CC2D2A: variants seen among roughly 807,000 people sequenced by gnomAD.
CC2D2A encodes the protein coiled-coil and C2 domain-containing protein 2A.
A neutral mutation model predicts 212.9 loss-of-function variants in CC2D2A; 155 were observed. The ratio of observed to expected loss-of-function variants is 0.73; its 90% CI spans 0.64 to 0.83. The LOEUF (loss-of-function observed/expected upper bound fraction) is 0.83, where lower values mean the gene tolerates loss of function less well. CC2D2A is among the 40% of genes least tolerant of loss of function. The pLI is 0.00. For synonymous variants in CC2D2A, 667 were observed against 686.5 expected (o/e 0.97, Z 0.44); for missense variants, 1,856 against 1,956.2 (o/e 0.95, Z 0.97).
Position 15,574,176 on chromosome 4 carries a change from T to C in CC2D2A, c.3621T>C (p.Ile1207=). Residue 1207 remains isoleucine (I), a synonymous_variant, in exon 29 of 37, where the codon ATT becomes ATC. Transcript: ENST00000424120. ...ARIDGTFKID[I]PPVLLGYSKE... Reference sequence around the variant, plus strand: ...TTGATGGAACATTTAAAATAGATATTCCCCCAGTTCTTCTGGGCTACAGTA... The same window carrying C: ...TTGATGGAACATTTAAAATAGATATCCCCCCAGTTCTTCTGGGCTACAGTA... The C allele has an allele frequency of 6.5e-7, 1 of 1,548,088 alleles. No homozygotes were observed. Among genetic ancestry groups the C allele is most frequent in the Non-Finnish European group, 8.7e-7 (1 of 1,145,736 alleles).
At position 15,567,387 on chromosome 4, in the gene CC2D2A, CA is replaced by C; in HGVS notation, c.3194del (p.Gln1065ArgfsTer34). ...CATTTTCTCTCCTAGCAAATTCCAG[CA>C]GCCGTCGAGGTCTTCAAGGATGTTC... ...VRKPAVSKFQ[Q>X]PSRSSRMFSE... On this transcript the variant is annotated frameshift_variant, in exon 25 of 37. Transcript: ENST00000424120. LOFTEE classifies it high-confidence loss of function. The C allele has an allele frequency of 6.2e-7, 1 of 1,612,670 alleles. No individual in the cohort carries two copies. The highest frequency in any genetic ancestry group is 1.3e-5 in the African/African-American group (1 of 74,986).
rs1190856448 is a variant in CC2D2A, at chr4:15,526,735, G to A, written c.1150-712G>A. Among the ~76,000 whole-genome samples, 5 of 152,240 alleles carry A rather than the reference G, an allele frequency of 3.3e-5. No homozygotes were observed. In the South Asian group the frequency reaches 1.0e-3, roughly 32 times the overall value. ...TCAAAGATGTCTCCTCTCCACCCTT[G>A]AGCTCCCACCCACAGTAGCTGTAGT... On this transcript the variant is annotated intron_variant, in intron 11 of 36. Transcript: ENST00000424120.
intron 35 of CC2D2A, 110 bp from the exon 36 acceptor site, chr4:15,599,419 C>G (rs1035753290): frequency 4.4e-6 from 3 of 674,710 alleles, no homozygotes; most frequent in Non-Finnish European, 7.2e-6. Flanking sequence ...ACAACTCCAT[C>G]AACAAAAATA....
intron 30 of CC2D2A, among the ~76,000 whole-genome samples, chr4:15,582,561 A>G (rs1366846141): frequency 6.6e-6 from 1 of 152,130 alleles, no homozygotes; most frequent in African/African-American, 2.4e-5. Flanking sequence ...TAAGAGACTT[A>G]TTTGAACAAT....
chr4:15,591,930 T>C (rs1560197541), intron 33 of CC2D2A, among the ~76,000 whole-genome samples: 1 of 152,198 alleles, frequency 6.6e-6, no homozygotes. Flanking sequence ...CTGAGATGGG[T>C]AATAGTAGCT....
chr4:15,557,529 G>A (rs1308686738), intron 21 of CC2D2A, 22 bp downstream of exon 21: 3 of 1,516,606 alleles, frequency 2.0e-6, no homozygotes, highest in Non-Finnish European at 2.7e-6. Context: ...CCATAGAGGG[G>A]TTAATAAAAT....
At chr4:15,551,108 T>G (rs1193569541) in intron 18 of CC2D2A, 128 bp downstream of exon 18, 2 of 869,518 alleles carry the variant, frequency 2.3e-6, no homozygotes, top group Non-Finnish European at 3.2e-6. Flanking sequence ...ATTCAAACAA[T>G]GATGCTATGC....
chr4:15,549,669 G>C (rs549633922), intron 17 of CC2D2A, among the ~76,000 whole-genome samples: 1 of 152,178 alleles, frequency 6.6e-6, no homozygotes, highest in African/African-American at 2.4e-5. Flanking sequence ...CAGGCGTGGT[G>C]GTGGGCGCCT....
intron 17 of CC2D2A, 58 bp from the exon 18 acceptor site, chr4:15,550,766 G>C: frequency 7.8e-7 from 1 of 1,282,796 alleles, no homozygotes; most frequent in Non-Finnish European, 1.1e-6. Flanking sequence ...CTGATTATCT[G>C]AGCGTGAGCA....
chr4:15,594,436 T>G (rs1016354856), intron 33 of CC2D2A, among the ~76,000 whole-genome samples: 4 of 152,138 alleles, frequency 2.6e-5, no homozygotes, highest in Non-Finnish European at 5.9e-5. Context: ...GCAACTCTGC[T>G]GCAAGTTGTG....
At chr4:15,517,198 C>T (rs1204448502) in intron 11 of CC2D2A, among the ~76,000 whole-genome samples, 1 of 152,004 alleles carries the variant, frequency 6.6e-6, no homozygotes, top group Non-Finnish European at 1.5e-5. Flanking sequence ...CCGCCCACCT[C>T]AGCCTCCCAA....
At chr4:15,474,697 G>A (rs750636389) in intron 1 of CC2D2A, among the ~76,000 whole-genome samples, 2 of 152,102 alleles carry the variant, frequency 1.3e-5, no homozygotes, top group Non-Finnish European at 2.9e-5. Flanking sequence ...AATATCTCAT[G>A]TACCCCATAA....
chr4:15,587,669 T>G, intron 31 of CC2D2A, 147 bp from the exon 32 acceptor site: 1 of 452,630 alleles, frequency 2.2e-6, no homozygotes, highest in South Asian at 4.1e-5. Flanking sequence ...AAAAATGAAT[T>G]ATCAACATAG....
chr4:15,581,705 C>T (rs765805615), intron 30 of CC2D2A, among the ~76,000 whole-genome samples: 3 of 152,232 alleles, frequency 2.0e-5, no homozygotes, highest in Non-Finnish European at 4.4e-5. Flanking sequence ...AACACCTACT[C>T]TGTATTTACT....
At chr4:15,529,148 T>C (rs1933715159) in intron 13 of CC2D2A, among the ~76,000 whole-genome samples, 1 of 152,204 alleles carries the variant, frequency 6.6e-6, no homozygotes, top group South Asian at 2.1e-4. Context: ...GGCTCATGCC[T>C]GTAATCCCAG....
At chr4:15,520,712 C>T (rs183216333) in intron 11 of CC2D2A, among the ~76,000 whole-genome samples, 33 of 152,318 alleles carry the variant, frequency 2.2e-4, no homozygotes, top group Admixed American at 7.2e-4. Flanking sequence ...CCATTTCTCA[C>T]GAATTAGGTT....
At chr4:15,508,804 G>T (rs1364238897) in intron 6 of CC2D2A, among the ~76,000 whole-genome samples, 3 of 152,180 alleles carry the variant, frequency 2.0e-5, no homozygotes, top group African/African-American at 7.2e-5. Context: ...ATTCCATGCT[G>T]TGAAATAATT....
chr4:15,496,521 G>A (rs1299355161), intron 4 of CC2D2A, among the ~76,000 whole-genome samples: 1 of 152,148 alleles, frequency 6.6e-6, no homozygotes, highest in Non-Finnish European at 1.5e-5. Context: ...TTAAAGATCA[G>A]ATGGTTGTAG....
chr4:15,526,102 C>G (rs1403160154), intron 11 of CC2D2A, among the ~76,000 whole-genome samples: 2 of 152,190 alleles, frequency 1.3e-5, no homozygotes, highest in Non-Finnish European at 2.9e-5. Context: ...GCTGGGCTTC[C>G]TACCTCCCTC....
Sources: gnomAD v4.1 joint callset for allele counts (sites outside exome capture counted in the v4.1 genomes callset) on GRCh38, gnomAD v4.1.1 for gene constraint, MANE v1.5 for transcripts, NCBI Gene and HGNC (gene_info 2026-07-23, HGNC 2026-07-21) for gene names.